The following AP3S1 variants were observed in gnomAD, a reference collection of about 807,000 sequenced individuals.
AP3S1 encodes AP-3 complex subunit sigma-1.
In AP3S1, 12 loss-of-function variants were observed where a neutral mutation model predicts 21.3. The ratio of observed to expected loss-of-function variants is 0.56; its 90% CI spans 0.36 to 0.91. AP3S1 has a LOEUF of 0.91. Among genes scored for constraint, AP3S1 ranks in the 40% least tolerant of loss-of-function variants. The pLI is 0.01. For missense variants in AP3S1, 116 were observed against 225.0 expected (o/e 0.52, Z 3.10); for synonymous variants, 48 against 78.4 (o/e 0.61, Z 2.05).
At chr5:115,870,689 C>T (rs1748159292) in intron 3 of AP3S1, among the ~76,000 whole-genome samples, 1 of 152,138 alleles carries the variant, frequency 6.6e-6, no homozygotes, top group Admixed American at 6.5e-5. Context: ...TCAAACACCT[C>T]CAAATTTTAT....
intron 2 of AP3S1, among the ~76,000 whole-genome samples, chr5:115,867,188 A>T (rs1402776462): frequency 6.6e-6 from 1 of 152,110 alleles, no homozygotes; most frequent in Non-Finnish European, 1.5e-5. Flanking sequence ...TTGTATGCTC[A>T]TTTGCATGTT....
At chr5:115,856,447 T>C (rs867800395) in intron 1 of AP3S1, among the ~76,000 whole-genome samples, 1 of 143,406 alleles carries the variant, frequency 7.0e-6, no homozygotes, top group African/African-American at 2.6e-5. Flanking sequence ...TTTTTTTTTT[T>C]CTAGAGATAG....
chr5:115,852,905 G>A (rs1386584042), intron 1 of AP3S1: 1 of 372,238 alleles, frequency 2.7e-6, no homozygotes, highest in African/African-American at 2.1e-5. Context: ...TCCACTTTTT[G>A]GTTACTATGA....
chr5:115,856,267 G>A (rs141984075), intron 1 of AP3S1, among the ~76,000 whole-genome samples: 5 of 152,106 alleles, frequency 3.3e-5, no homozygotes, highest in Non-Finnish European at 5.9e-5. Context: ...CTTAGCCTTT[G>A]GATGTTTGAT....
At chr5:115,910,708 C>T in intron 5 of AP3S1, among the ~76,000 whole-genome samples, 1 of 151,724 alleles carries the variant, frequency 6.6e-6, no homozygotes, top group East Asian at 1.9e-4. Context: ...TTTTTTTTAG[C>T]CCTAAATTTT....
At chr5:115,849,285 A>G (rs552800128) in intron 1 of AP3S1, among the ~76,000 whole-genome samples, 3 of 152,356 alleles carry the variant, frequency 2.0e-5, no homozygotes, top group Admixed American at 6.5e-5. Context: ...AGGAAAGCCT[A>G]TATTAGATAG....
intron 1 of AP3S1, among the ~76,000 whole-genome samples, chr5:115,860,283 A>T (rs1763080460): frequency 6.6e-6 from 1 of 152,228 alleles, no homozygotes; most frequent in African/African-American, 2.4e-5. Flanking sequence ...ATAATCTGGG[A>T]TAATATCTTC....
At chr5:115,888,333 A>AT (rs1460890052) in intron 3 of AP3S1, among the ~76,000 whole-genome samples, 1 of 151,862 alleles carries the variant, frequency 6.6e-6, no homozygotes, top group African/African-American at 2.4e-5. Context: ...CGAGACTCTA[A>AT]TTTTTCCCCC....
chr5:115,851,223 C>T (rs879638710), intron 1 of AP3S1, among the ~76,000 whole-genome samples: 5 of 152,084 alleles, frequency 3.3e-5, no homozygotes, highest in Non-Finnish European at 4.4e-5. Flanking sequence ...TTTGTTTATC[C>T]GTTTGTCAGT....
chr5:115,910,288 G>T (rs1023727434), intron 5 of AP3S1, among the ~76,000 whole-genome samples: 6 of 138,962 alleles, frequency 4.3e-5, no homozygotes, highest in African/African-American at 1.6e-4. Context: ...AAAAAAAAAA[G>T]TTATGTGATT....
At chr5:115,852,773 A>G (rs947369703) in intron 1 of AP3S1, among the ~76,000 whole-genome samples, 9 of 152,118 alleles carry the variant, frequency 5.9e-5, no homozygotes, top group African/African-American at 2.2e-4. Flanking sequence ...GGATTTGCCT[A>G]TGTTGTAGCA....
chr5:115,874,498 G>T (rs1281362802), intron 3 of AP3S1, among the ~76,000 whole-genome samples: 1 of 151,968 alleles, frequency 6.6e-6, no homozygotes, highest in Admixed American at 6.6e-5. Flanking sequence ...TGTACCACAT[G>T]TAACAGTAAT....
chr5:115,880,776 ATCTG>A (rs1433638647), intron 3 of AP3S1, among the ~76,000 whole-genome samples: 1 of 152,068 alleles, frequency 6.6e-6, no homozygotes, highest in African/African-American at 2.4e-5. Flanking sequence ...TGTCTTGTGG[ATCTG>A]TCTAATATTG....
intron 1 of AP3S1, among the ~76,000 whole-genome samples, chr5:115,863,061 G>A (rs1415960619): frequency 2.0e-5 from 3 of 152,044 alleles, no homozygotes; most frequent in African/African-American, 7.2e-5. Flanking sequence ...TCAGGAGTTC[G>A]AGACCAGCCT....
At chr5:115,900,232 G>T (rs1010899001) in intron 4 of AP3S1, among the ~76,000 whole-genome samples, 29 of 152,154 alleles carry the variant, frequency 1.9e-4, no homozygotes, top group African/African-American at 6.0e-4. Context: ...TTCATAACTG[G>T]TTGCTTTTCT....
At chr5:115,878,953 G>C (rs967843539) in intron 3 of AP3S1, among the ~76,000 whole-genome samples, 1 of 151,998 alleles carries the variant, frequency 6.6e-6, no homozygotes, top group Non-Finnish European at 1.5e-5. Context: ...TATTCTCTTT[G>C]TAGCAATTGT....
chr5:115,852,482 A>G (rs928789767), intron 1 of AP3S1, among the ~76,000 whole-genome samples: 9 of 152,166 alleles, frequency 5.9e-5, no homozygotes, highest in Admixed American at 3.9e-4. Flanking sequence ...CTCACATGCT[A>G]TAAGATTCAC....
intron 5 of AP3S1, among the ~76,000 whole-genome samples, chr5:115,909,696 A>G (rs1751940260): frequency 1.3e-5 from 2 of 152,180 alleles, no homozygotes; most frequent in East Asian, 1.9e-4. Context: ...TGTCAACTAT[A>G]TAATCTTAAA....
intron 1 of AP3S1, among the ~76,000 whole-genome samples, chr5:115,851,179 T>G (rs1762413065): frequency 6.6e-6 from 1 of 152,194 alleles, no homozygotes; most frequent in South Asian, 2.1e-4. Flanking sequence ...GGACTTGCAT[T>G]CCTCAGATAA....
Sources: allele counts gnomAD v4.1 joint callset (sites outside exome capture counted in the v4.1 genomes callset), GRCh38; gene constraint gnomAD v4.1.1; transcripts MANE v1.5; gene names NCBI Gene and HGNC (gene_info 2026-07-23, HGNC 2026-07-21).